Variants in RANBP2 observed in about 807,000 individuals in gnomAD.
The protein encoded by RANBP2 is RAN binding protein 2.
A neutral mutation model predicts 303.6 loss-of-function variants in RANBP2; 57 were observed. That is an observed-to-expected ratio of 0.19 (90% confidence interval 0.15 to 0.23). The LOEUF (loss-of-function observed/expected upper bound fraction) is 0.23. Ranked by LOEUF, RANBP2 falls within the 10% of genes least tolerant of loss-of-function variation. RANBP2 has a pLI of 1.00. For missense variants in RANBP2, 3,138 were observed against 3,780.8 expected, an observed-to-expected ratio of 0.83 and a Z score of 4.46; for synonymous variants, 1,167 against 1,301.5, an observed-to-expected ratio of 0.90 and a Z score of 2.23.
chr2:109,670,890 A>C, the RANBP2 span, among the ~76,000 whole-genome samples: 1 of 152,154 alleles, frequency 6.6e-6, no homozygotes, highest in Non-Finnish European at 1.5e-5. Context: ...CTGCTCCCCA[A>C]GGAGTGCAGC....
chr2:108,770,722 A>G (rs1254324469), intron 20 of RANBP2, among the ~76,000 whole-genome samples: 1 of 152,244 alleles, frequency 6.6e-6, no homozygotes, highest in African/African-American at 2.4e-5. Context: ...TTATTGATAG[A>G]TTTGATTTAA....
At chr2:108,853,125 G>T in the RANBP2 span, among the ~76,000 whole-genome samples, 12 of 152,278 alleles carry the variant, frequency 7.9e-5, no homozygotes, top group African/African-American at 2.6e-4. Context: ...AATGAGAAAA[G>T]ATAAATAGCT....
At chr2:109,079,255 T>C in the RANBP2 span, among the ~76,000 whole-genome samples, 1 of 152,204 alleles carries the variant, frequency 6.6e-6, no homozygotes, top group African/African-American at 2.4e-5. Flanking sequence ...TTTCTCTTCC[T>C]TATGATTTTC....
At chr2:109,452,572 G>A in the RANBP2 span, among the ~76,000 whole-genome samples, 5 of 152,322 alleles carry the variant, frequency 3.3e-5, no homozygotes, top group African/African-American at 1.2e-4. Context: ...GCTCCTGGGC[G>A]CCGTAGAGTA....
At chr2:108,928,089 G>A in the RANBP2 span, among the ~76,000 whole-genome samples, 1 of 152,116 alleles carries the variant, frequency 6.6e-6, no homozygotes, top group Non-Finnish European at 1.5e-5. Flanking sequence ...CAAGTCTTCA[G>A]CGGTGGTTTC....
chr2:109,188,278 A>T, the RANBP2 span, among the ~76,000 whole-genome samples: 1 of 152,210 alleles, frequency 6.6e-6, no homozygotes. Context: ...CAACTGTGCC[A>T]GTCTTTCTGT....
At chr2:108,903,375 A>G in the RANBP2 span, among the ~76,000 whole-genome samples, 1 of 152,162 alleles carries the variant, frequency 6.6e-6, no homozygotes, top group African/African-American at 2.4e-5. Context: ...TTTTGTACAT[A>G]TAGGGAAGAT....
the RANBP2 span, chr2:109,545,271 A>G: frequency 7.1e-7 from 1 of 1,403,972 alleles, no homozygotes; most frequent in Non-Finnish European, 9.3e-7. Flanking sequence ...TTAAACCGAC[A>G]GGGATACTTA....
chr2:109,461,016 T>C, the RANBP2 span, among the ~76,000 whole-genome samples: 1 of 152,214 alleles, frequency 6.6e-6, no homozygotes, highest in Non-Finnish European at 1.5e-5. Context: ...TGTGATCCTA[T>C]GGAACTGCCC....
intron 6 of RANBP2, 119 bp from the exon 7 acceptor site, chr2:108,740,370 A>G: frequency 6.9e-7 from 1 of 1,452,240 alleles, no homozygotes; most frequent in South Asian, 1.2e-5. Flanking sequence ...AAGAATTATT[A>G]GTTGAATGTG....
chr2:109,216,528 C>G, the RANBP2 span, among the ~76,000 whole-genome samples: 1 of 152,204 alleles, frequency 6.6e-6, no homozygotes, highest in Admixed American at 6.5e-5. Context: ...AAGTGCCTTG[C>G]TTCTGTGATA....
chr2:108,888,796 T>G, the RANBP2 span, among the ~76,000 whole-genome samples: 2 of 152,030 alleles, frequency 1.3e-5, no homozygotes, highest in African/African-American at 4.8e-5. Flanking sequence ...AAGTCCCTAC[T>G]TTATTTAGTC....
At chr2:109,291,547 G>A in the RANBP2 span, among the ~76,000 whole-genome samples, 1 of 152,216 alleles carries the variant, frequency 6.6e-6, no homozygotes, top group African/African-American at 2.4e-5. Flanking sequence ...GTCTGCAGCC[G>A]GCGATGCCCT....
At chr2:109,212,991 T>C in the RANBP2 span, among the ~76,000 whole-genome samples, 2 of 152,316 alleles carry the variant, frequency 1.3e-5, 1 homozygote, top group South Asian at 4.1e-4. Context: ...GGAAGCCCTG[T>C]GCTGAGCGGT....
chr2:108,743,298 A>G (rs982567523), intron 7 of RANBP2, among the ~76,000 whole-genome samples: 32 of 152,180 alleles, frequency 2.1e-4, no homozygotes, highest in Middle Eastern at 6.8e-3. Context: ...TGGGAGGCAG[A>G]GTCTCTTGTT....
chr2:108,957,093 G>A, the RANBP2 span, among the ~76,000 whole-genome samples: 3 of 152,176 alleles, frequency 2.0e-5, no homozygotes, highest in Admixed American at 2.0e-4. Context: ...CCCAGCCAAG[G>A]CAAAGGCTGT....
chr2:109,368,806 T>G, the RANBP2 span, among the ~76,000 whole-genome samples: 204 of 152,294 alleles, frequency 1.3e-3, no homozygotes, highest in Non-Finnish European at 2.5e-3. Context: ...AAAATTAAAT[T>G]TCTATCTTGT....
chr2:109,027,915 G>C, the RANBP2 span, among the ~76,000 whole-genome samples: 1 of 152,230 alleles, frequency 6.6e-6, no homozygotes, highest in East Asian at 1.9e-4. Context: ...ACTGGGCTCT[G>C]CCAGTTAATG....
intron 6 of RANBP2, among the ~76,000 whole-genome samples, chr2:108,738,098 C>T (rs1289386889): frequency 1.2e-4 from 18 of 150,132 alleles, no homozygotes; most frequent in East Asian, 4.0e-4. Context: ...TTTTTTGAGA[C>T]GGAGTCTCGC....
Sources: gnomAD v4.1 joint callset for allele counts (sites outside exome capture counted in the v4.1 genomes callset) on GRCh38, gnomAD v4.1.1 for gene constraint, MANE v1.5 for transcripts, NCBI Gene and HGNC (gene_info 2026-07-23, HGNC 2026-07-21) for gene names.